Variants in C7orf78 observed in about 807,000 individuals in gnomAD.
C7orf78 encodes chromosome 7 open reading frame 78.
the C7orf78 span, among the ~76,000 whole-genome samples, chr7:12,508,398 G>A: frequency 6.6e-6 from 1 of 151,432 alleles, no homozygotes; most frequent in African/African-American, 2.4e-5. Context: ...CATTTCATTG[G>A]AAAAAAAATC....
chr7:12,520,089 A>G, the C7orf78 span, among the ~76,000 whole-genome samples: 4 of 152,232 alleles, frequency 2.6e-5, no homozygotes, highest in African/African-American at 4.8e-5. Flanking sequence ...ATGTAAGCCA[A>G]TGAGGGTATC....
chr7:12,497,166 C>G, the C7orf78 span, among the ~76,000 whole-genome samples: 1 of 152,072 alleles, frequency 6.6e-6, no homozygotes, highest in East Asian at 1.9e-4. Flanking sequence ...GTAACTAGCC[C>G]GAATCAAATA....
chr7:12,518,350 A>C, the C7orf78 span, among the ~76,000 whole-genome samples: 1 of 151,938 alleles, frequency 6.6e-6, no homozygotes, highest in East Asian at 1.9e-4. Context: ...AGGCCTCCAC[A>C]TGTCTTGCCC....
the C7orf78 span, among the ~76,000 whole-genome samples, chr7:12,489,151 G>T: frequency 6.6e-6 from 1 of 151,906 alleles, no homozygotes; most frequent in Non-Finnish European, 1.5e-5. Context: ...TAACAGTATA[G>T]ACAAAAAGCA....
the C7orf78 span, among the ~76,000 whole-genome samples, chr7:12,494,810 T>C: frequency 6.6e-6 from 1 of 152,172 alleles, no homozygotes; most frequent in East Asian, 1.9e-4. Flanking sequence ...GGCTGCTACC[T>C]CCTCCTAGTG....
the C7orf78 span, chr7:12,504,411 G>A: frequency 6.6e-6 from 1 of 152,144 alleles, no homozygotes; most frequent in African/African-American, 2.4e-5. Context: ...ACCCAGATGA[G>A]CAAAACTTAA....
chr7:12,521,713 T>G, the C7orf78 span, among the ~76,000 whole-genome samples: 1 of 149,300 alleles, frequency 6.7e-6, no homozygotes, highest in South Asian at 2.1e-4. Flanking sequence ...GCTATCACAC[T>G]GATCTTTCTG....
At chr7:12,505,790 G>C in the C7orf78 span, among the ~76,000 whole-genome samples, 3 of 151,420 alleles carry the variant, frequency 2.0e-5, no homozygotes, top group African/African-American at 4.9e-5. Flanking sequence ...TTTCATTATT[G>C]TCTTCAGTTA....
the C7orf78 span, among the ~76,000 whole-genome samples, chr7:12,536,666 T>C: frequency 6.6e-6 from 1 of 152,224 alleles, no homozygotes; most frequent in South Asian, 2.1e-4. Context: ...TCTGAACTTT[T>C]ATGCTCTGCT....
chr7:12,536,222 C>T, the C7orf78 span, among the ~76,000 whole-genome samples: 1 of 152,140 alleles, frequency 6.6e-6, no homozygotes, highest in Non-Finnish European at 1.5e-5. Flanking sequence ...AGATGTTTCC[C>T]TACATTTTCT....
the C7orf78 span, among the ~76,000 whole-genome samples, chr7:12,521,774 T>C: frequency 1.3e-5 from 2 of 152,006 alleles, no homozygotes; most frequent in East Asian, 3.9e-4. Context: ...TTTTATTTGT[T>C]CCCTTTTCCC....
At chr7:12,535,388 C>G in the C7orf78 span, among the ~76,000 whole-genome samples, 1 of 152,166 alleles carries the variant, frequency 6.6e-6, no homozygotes, top group African/African-American at 2.4e-5. Context: ...TAAAAACCAT[C>G]AGATCTCATG....
At chr7:12,525,052 G>C in the C7orf78 span, among the ~76,000 whole-genome samples, 1 of 152,026 alleles carries the variant, frequency 6.6e-6, no homozygotes, top group Admixed American at 6.6e-5. Context: ...GTCTCATGTT[G>C]TATTCAATTA....
chr7:12,488,060 G>C, the C7orf78 span, among the ~76,000 whole-genome samples: 2 of 152,048 alleles, frequency 1.3e-5, no homozygotes, highest in Non-Finnish European at 2.9e-5. Context: ...CAATTCTCAA[G>C]TATCATGTGA....
At chr7:12,538,679 T>A in the C7orf78 span, among the ~76,000 whole-genome samples, 1 of 152,122 alleles carries the variant, frequency 6.6e-6, no homozygotes, top group Non-Finnish European at 1.5e-5. Flanking sequence ...ATTGGTGGGA[T>A]TACTCACAAG....
chr7:12,537,996 T>C, the C7orf78 span, among the ~76,000 whole-genome samples: 1,663 of 152,202 alleles, frequency 0.011, 14 homozygotes, highest in East Asian at 0.031. Context: ...AATCAGGAAG[T>C]TGGCTTCCTT....
chr7:12,513,863 G>A, the C7orf78 span, among the ~76,000 whole-genome samples: 3 of 152,076 alleles, frequency 2.0e-5, no homozygotes, highest in Non-Finnish European at 2.9e-5. Flanking sequence ...AGCTGGGCGT[G>A]GTGGTGGGTG....
the C7orf78 span, among the ~76,000 whole-genome samples, chr7:12,490,421 G>T: frequency 6.6e-6 from 1 of 152,070 alleles, no homozygotes; most frequent in Non-Finnish European, 1.5e-5. Flanking sequence ...ACTCTGGTTT[G>T]CTATTCATAA....
the C7orf78 span, among the ~76,000 whole-genome samples, chr7:12,532,548 CAAAAAA>C: frequency 3.7e-5 from 5 of 136,000 alleles, no homozygotes; most frequent in Admixed American, 7.3e-5. Flanking sequence ...GACTCTGTTT[CAAAAAA>C]AAAAAAAAGA....
Sources: gnomAD v4.1 joint callset for allele counts (sites outside exome capture counted in the v4.1 genomes callset) on GRCh38, gnomAD v4.1.1 for gene constraint, MANE v1.5 for transcripts, NCBI Gene and HGNC (gene_info 2026-07-23, HGNC 2026-07-21) for gene names.